GLI3: variants seen among roughly 807,000 people sequenced by gnomAD.
GLI3 encodes the protein GLI family zinc finger 3, also known as transcription activator GLI3.
Under a neutral mutation model 100.8 loss-of-function variants are expected in GLI3, and 20 were observed. The ratio of observed to expected loss-of-function variants is 0.20; its 90% CI spans 0.14 to 0.29. GLI3 has a LOEUF of 0.29. Among genes scored for constraint, GLI3 ranks in the 10% least tolerant of loss-of-function variants. GLI3 has a pLI of 1.00. For synonymous variants in GLI3, 938 were observed against 860.5 expected (o/e 1.09, Z -1.58); for missense variants, 2,040 against 2,128.5 (o/e 0.96, Z 0.82).
intron 3 of GLI3, among the ~76,000 whole-genome samples, chr7:42,090,075 A>G (rs144997282): frequency 6.6e-6 from 1 of 152,350 alleles, no homozygotes; most frequent in Non-Finnish European, 1.5e-5. Context: ...AATGATAAAT[A>G]TTGGTGTATC....
Position 42,067,408 on chromosome 7 carries a change from T to C in GLI3, c.473+9344A>G, listed in dbSNP as rs148212579. 1.9e-3 allele frequency among the ~76,000 whole-genome samples: 285 copies of C among 152,284 alleles called. 1 individual carries two copies. Among genetic ancestry groups the C allele is most frequent in the Non-Finnish European group, 3.1e-3 (212 of 68,020 alleles). ...TGTAAAGCATATTCAAGCAACATGG[T>C]TTGGTGATTTGTTTTGCAAATGAGG... On this transcript the variant is annotated intron_variant, in intron 4 of 14. Transcript: ENST00000395925.
intron 2 of GLI3, among the ~76,000 whole-genome samples, chr7:42,150,587 C>G (rs993399709): frequency 6.6e-6 from 1 of 152,086 alleles, no homozygotes; most frequent in Non-Finnish European, 1.5e-5. Flanking sequence ...TAGAAAGGGA[C>G]CTTCATTTGG....
chr7:42,246,161 T>C (rs537167804), intron 1 of GLI3, among the ~76,000 whole-genome samples: 2 of 152,320 alleles, frequency 1.3e-5, no homozygotes, highest in South Asian at 2.1e-4. Context: ...GGTTCTGCAG[T>C]TGTGCATTCA....
chr7:42,177,668 G>C (rs1348662949), intron 2 of GLI3, among the ~76,000 whole-genome samples: 2 of 152,128 alleles, frequency 1.3e-5, no homozygotes, highest in African/African-American at 4.8e-5. Flanking sequence ...AAGGTTATGG[G>C]GACTGAAGAC....
At chr7:42,206,078 A>T (rs1481998752) in intron 2 of GLI3, among the ~76,000 whole-genome samples, 1 of 151,986 alleles carries the variant, frequency 6.6e-6, no homozygotes, top group Non-Finnish European at 1.5e-5. Context: ...GACCAGCCTG[A>T]CCAATATGGT....
At chr7:42,129,992 C>A (rs970744476) in intron 3 of GLI3, among the ~76,000 whole-genome samples, 2 of 152,100 alleles carry the variant, frequency 1.3e-5, no homozygotes, top group African/African-American at 4.8e-5. Flanking sequence ...GTGAAGGCTT[C>A]AGCGTGGATT....
intron 3 of GLI3, among the ~76,000 whole-genome samples, chr7:42,121,469 T>C (rs1043712127): frequency 6.6e-6 from 1 of 152,116 alleles, no homozygotes; most frequent in Non-Finnish European, 1.5e-5. Context: ...AAATAGCAAA[T>C]AACAGAAACG....
At chr7:42,006,917 C>T (rs1788474280) in intron 10 of GLI3, among the ~76,000 whole-genome samples, 1 of 151,906 alleles carries the variant, frequency 6.6e-6, no homozygotes, top group Non-Finnish European at 1.5e-5. Flanking sequence ...TTCAGGAGTT[C>T]CTGACAATAA....
Position 41,966,671 on chromosome 7 carries a change from G to A in GLI3, c.2432-30C>T, listed in dbSNP as rs374365217. ...AGACAGAGAAAGGGAGAGACCATGCGGAGATGAATTCCCTTCGAGCATGAC... is the reference window on the plus strand; with the variant it reads ...AGACAGAGAAAGGGAGAGACCATGCAGAGATGAATTCCCTTCGAGCATGAC... On this transcript the variant is annotated intron_variant, in intron 14 of 14. Transcript: ENST00000395925. This position sits in a 1 kb window ranked among gnomAD's most constrained non-coding sequence, Gnocchi z 5.8. The A allele has an allele frequency of 2.7e-5, 44 of 1,611,922 alleles. 1 individual carries two copies. In the African/African-American group the frequency reaches 3.1e-4, roughly 11 times the overall value.
rs1274226249 is a variant in GLI3, at chr7:41,962,657, T to C, written c.*1673A>G. The C allele has an allele frequency of 6.6e-6, 1 of 152,178 alleles. No individual in the cohort carries two copies. The highest frequency in any genetic ancestry group is 2.4e-5 in the African/African-American group (1 of 41,448). 9.4% of individuals were successfully genotyped at this position (152,178 alleles called of 1,614,324 possible). A position where few individuals can be genotyped will look rare whatever the true frequency, so the allele number is the denominator to read the frequency against. On this transcript the variant is annotated 3_prime_UTR_variant, in exon 15 of 15. Transcript: ENST00000395925. ...TCCATGCGGAGATTCTTGGTCCAAA[T>C]GAAAGAACATAAACATGAGAAAAGT...
chr7:42,055,063 A>ATG (rs1276916683), intron 4 of GLI3, among the ~76,000 whole-genome samples: 2 of 76,334 alleles, frequency 2.6e-5, no homozygotes, highest in African/African-American at 1.3e-4. Flanking sequence ...ACACACATAT[A>ATG]TGTATACATA....
chr7:42,216,328 G>C (rs1332108708), intron 2 of GLI3, among the ~76,000 whole-genome samples: 1 of 152,200 alleles, frequency 6.6e-6, no homozygotes, highest in Non-Finnish European at 1.5e-5. Flanking sequence ...TGTAAAACTT[G>C]AGTGCTGTGA....
chr7:42,171,827 A>G (rs1787378792), intron 2 of GLI3, among the ~76,000 whole-genome samples: 1 of 152,212 alleles, frequency 6.6e-6, no homozygotes, highest in Admixed American at 6.5e-5. Flanking sequence ...GTGACAATAA[A>G]GAAAAGACCC....
At chr7:42,241,602 G>T (rs1788925939), upstream of GLI3, among the ~76,000 whole-genome samples, 1 of 152,180 alleles carries the variant, frequency 6.6e-6, no homozygotes, top group African/African-American at 2.4e-5. Flanking sequence ...CGCACACGGG[G>T]CCCTTCTTGG....
intron 2 of GLI3, among the ~76,000 whole-genome samples, chr7:42,166,889 G>A (rs1357136212): frequency 6.8e-6 from 1 of 147,878 alleles, no homozygotes; most frequent in Non-Finnish European, 1.5e-5. Context: ...GCAATGAGGT[G>A]ATCTCGGCTC....
chr7:42,134,642 C>G (rs1786381894), intron 3 of GLI3, among the ~76,000 whole-genome samples: 2 of 152,076 alleles, frequency 1.3e-5, no homozygotes, highest in African/African-American at 4.8e-5. Context: ...CTGACAAAGA[C>G]TAGCTGCGCA....
intron 2 of GLI3, among the ~76,000 whole-genome samples, chr7:42,192,710 G>A (rs1423538035): frequency 2.0e-5 from 3 of 152,200 alleles, no homozygotes; most frequent in Non-Finnish European, 2.9e-5. Context: ...TCAAGGTTCA[G>A]GAATCATTCT....
At chr7:41,993,032 TG>T (rs1788033519) in intron 10 of GLI3, among the ~76,000 whole-genome samples, 1 of 152,236 alleles carries the variant, frequency 6.6e-6, no homozygotes, top group South Asian at 2.1e-4. Context: ...AATTCAGTTC[TG>T]TGCAACAGCC....
chr7:42,090,485 CTTCT>C (rs777623843), intron 3 of GLI3, among the ~76,000 whole-genome samples: 2 of 152,186 alleles, frequency 1.3e-5, no homozygotes, highest in Non-Finnish European at 2.9e-5. Flanking sequence ...GTCACCGTTC[CTTCT>C]AAGTCCTTCT....
Sources: allele counts gnomAD v4.1 joint callset (sites outside exome capture counted in the v4.1 genomes callset), GRCh38; gene constraint gnomAD v4.1.1; non-coding constraint Gnocchi (gnomAD v3.1); transcripts MANE v1.5; gene names NCBI Gene and HGNC (gene_info 2026-07-23, HGNC 2026-07-21).